The following TYR variants were observed in gnomAD, a reference collection of about 807,000 sequenced individuals.
TYR encodes the protein LB24-AB.
TYR carries 58 observed loss-of-function variants against 51.5 expected under a neutral mutation model. The ratio of observed to expected loss-of-function variants is 1.13; its 90% CI spans 0.91 to 1.40. The LOEUF (loss-of-function observed/expected upper bound fraction) is 1.40. TYR is among the 40% of genes most tolerant of loss of function. The probability of loss-of-function intolerance (pLI) is 0.00; values close to 1 mark genes in which losing one functional copy is unlikely to be tolerated. For synonymous variants in TYR, 263 were observed against 235.2 expected, an observed-to-expected ratio of 1.12 and a Z score of -1.08; for missense variants, 732 against 647.4, an observed-to-expected ratio of 1.13 and a Z score of -1.42.
At chr11:89,182,485 G>T (rs1943314446) in intron 1 of TYR, among the ~76,000 whole-genome samples, 1 of 152,132 alleles carries the variant, frequency 6.6e-6, no homozygotes, top group South Asian at 2.1e-4. Context: ...GTGTGTGCAT[G>T]CAAAGAAAGA....
intron 1 of TYR, among the ~76,000 whole-genome samples, chr11:89,184,747 T>C (rs543915159): frequency 2.6e-5 from 4 of 152,284 alleles, no homozygotes; most frequent in South Asian, 4.1e-4. Flanking sequence ...CTAAAAAACA[T>C]GTTCATTGCC....
intron 3 of TYR, among the ~76,000 whole-genome samples, chr11:89,270,122 G>C (rs1474187213): frequency 6.6e-6 from 1 of 151,792 alleles, no homozygotes; most frequent in Non-Finnish European, 1.5e-5. Context: ...CAGTGTCTGT[G>C]TTAAACCACA....
intron 3 of TYR, among the ~76,000 whole-genome samples, chr11:89,274,566 C>T (rs1279156069): frequency 6.6e-6 from 1 of 151,870 alleles, no homozygotes; most frequent in African/African-American, 2.4e-5. Context: ...TCTTACAGCT[C>T]TTTAAAGTTT....
intron 2 of TYR, among the ~76,000 whole-genome samples, chr11:89,196,976 T>G (rs1943527851): frequency 6.6e-6 from 1 of 152,044 alleles, no homozygotes. Flanking sequence ...GTGAAGAAAC[T>G]CCACGTAAAT....
intron 3 of TYR, chr11:89,283,625 A>C (rs1465993292): frequency 2.6e-5 from 4 of 151,834 alleles, no homozygotes; most frequent in Admixed American, 1.3e-4. Flanking sequence ...TTATACAGCC[A>C]GATGAAAACA....
At chr11:89,211,035 T>C (rs1164977984) in intron 2 of TYR, among the ~76,000 whole-genome samples, 1 of 152,190 alleles carries the variant, frequency 6.6e-6, no homozygotes, top group Non-Finnish European at 1.5e-5. Context: ...CCATCAATGC[T>C]ATGAAGAAAC....
intron 3 of TYR, among the ~76,000 whole-genome samples, chr11:89,245,468 T>G (rs984327211): frequency 2.6e-5 from 4 of 152,146 alleles, no homozygotes; most frequent in Non-Finnish European, 5.9e-5. Flanking sequence ...ATACTCTTCC[T>G]CCAACAAGGG....
intron 3 of TYR, among the ~76,000 whole-genome samples, chr11:89,257,306 T>C (rs1310190370): frequency 6.6e-6 from 1 of 151,978 alleles, no homozygotes; most frequent in Non-Finnish European, 1.5e-5. Context: ...TACCCTCCCA[T>C]ACATAGGTAA....
chr11:89,190,754 T>A (rs1943431868), intron 1 of TYR, among the ~76,000 whole-genome samples: 1 of 152,110 alleles, frequency 6.6e-6, no homozygotes. Flanking sequence ...TCCTGCAAGG[T>A]CCATTTATGG....
At chr11:89,226,162 C>G (rs760885757) in intron 2 of TYR, among the ~76,000 whole-genome samples, 1 of 152,028 alleles carries the variant, frequency 6.6e-6, no homozygotes, top group African/African-American at 2.4e-5. Flanking sequence ...GAACATTGTC[C>G]TCAGTGACAT....
At chr11:89,230,585 A>C (rs1330537797) in intron 3 of TYR, among the ~76,000 whole-genome samples, 1 of 152,122 alleles carries the variant, frequency 6.6e-6, no homozygotes, top group African/African-American at 2.4e-5. Context: ...TTAACATGAT[A>C]GACAGACAAC....
intron 2 of TYR, among the ~76,000 whole-genome samples, chr11:89,218,670 C>T (rs994384150): frequency 1.3e-5 from 2 of 152,162 alleles, no homozygotes; most frequent in African/African-American, 2.4e-5. Context: ...TACAATCCTA[C>T]TTTTCTAAAA....
At position 89,277,383 on chromosome 11, in the gene TYR, G is replaced by A. The variant is rs192374148; in HGVS notation, c.1185-7390G>A. On this transcript the variant is annotated intron_variant, in intron 3 of 4. Coordinates refer to ENST00000263321, the MANE Select transcript of TYR (RefSeq NM_000372.5). ...TTCTCAAAGAGAGTGTGATTGTCAC[G>A]TCATCTGTCCTGGCCTTTCAGAAAG... 1.3e-4 allele frequency among the ~76,000 whole-genome samples: 19 copies of A among 151,820 alleles called. No homozygotes were observed. In the East Asian group the frequency reaches 3.5e-3, roughly 28 times the overall value.
intron 3 of TYR, among the ~76,000 whole-genome samples, chr11:89,264,200 T>A (rs534575136): frequency 6.6e-6 from 1 of 151,994 alleles, no homozygotes; most frequent in Non-Finnish European, 1.5e-5. Context: ...GAAACCCTTT[T>A]TAAAAAAAAA....
intron 1 of TYR, among the ~76,000 whole-genome samples, chr11:89,181,692 AATTTT>A (rs1283940851): frequency 6.6e-6 from 1 of 152,154 alleles, no homozygotes; most frequent in Non-Finnish European, 1.5e-5. Context: ...AGAGATCTTC[AATTTT>A]ATTTAGGGTA....
intron 2 of TYR, chr11:89,192,047 T>C (rs1943452708): frequency 6.6e-6 from 3 of 453,966 alleles, no homozygotes; most frequent in Admixed American, 4.8e-5. Flanking sequence ...TTCATTCATT[T>C]AACTGTAATA....
Position 89,178,672 on chromosome 11 carries a change from A to G in TYR, c.719A>G (p.Asp240Gly), listed in dbSNP as rs773366897. 4.3e-6 allele frequency: 7 copies of G among 1,613,652 alleles called. No individual in the cohort carries two copies. The highest frequency in any genetic ancestry group is 5.9e-6 in the Non-Finnish European group (7 of 1,179,778). Residue 240 changes from aspartate (D) to glycine (G), a missense_variant, in exon 1 of 5, where the codon GAT becomes GGT. Coordinates refer to ENST00000263321, the MANE Select transcript of TYR (RefSeq NM_000372.5). ...NFTIPYWDWR[D>G]AEKCDICTDE... ...ACTATTCCATATTGGGACTGGCGGGATGCAGAAAAGTGTGACATTTGCACA... is the reference window on the plus strand; with the variant it reads ...ACTATTCCATATTGGGACTGGCGGGGTGCAGAAAAGTGTGACATTTGCACA...
At chr11:89,253,770 A>G (rs578002769) in intron 3 of TYR, among the ~76,000 whole-genome samples, 7 of 151,726 alleles carry the variant, frequency 4.6e-5, no homozygotes, top group Non-Finnish European at 1.0e-4. Context: ...ATTATCAGCA[A>G]ACAGCAACAG....
chr11:89,285,915 T>C (rs1042136751), intron 4 of TYR, among the ~76,000 whole-genome samples: 4 of 151,756 alleles, frequency 2.6e-5, no homozygotes, highest in Non-Finnish European at 5.9e-5. Flanking sequence ...TTTCATTGCA[T>C]TCATTGATAA....
Sources: gnomAD v4.1 joint callset for allele counts (sites outside exome capture counted in the v4.1 genomes callset) on GRCh38, gnomAD v4.1.1 for gene constraint, MANE v1.5 for transcripts, NCBI Gene and HGNC (gene_info 2026-07-23, HGNC 2026-07-21) for gene names.